POU6F2: variants seen among roughly 807,000 people sequenced by gnomAD.
POU6F2 encodes POU class 6 homeobox 2.
A neutral mutation model predicts 71.3 loss-of-function variants in POU6F2; 31 were observed. That is an observed-to-expected ratio of 0.43 (90% CI 0.33 to 0.59). POU6F2 has a LOEUF of 0.59. POU6F2 is among the 20% of genes least tolerant of loss of function. POU6F2 has a pLI of 0.04. For synonymous variants in POU6F2, 347 were observed against 355.7 expected, an observed-to-expected ratio of 0.98 and a Z score of 0.27; for missense variants, 783 against 856.8, an observed-to-expected ratio of 0.91 and a Z score of 1.07.
At chr7:39,408,968 C>G (rs1787493099) in intron 6 of POU6F2, among the ~76,000 whole-genome samples, 1 of 152,112 alleles carries the variant, frequency 6.6e-6, no homozygotes, top group South Asian at 2.1e-4. Flanking sequence ...CAAATTACAC[C>G]AAAAGAGATA....
intron 4 of POU6F2, among the ~76,000 whole-genome samples, chr7:39,320,935 A>C (rs764200328): frequency 3.9e-5 from 6 of 152,156 alleles, no homozygotes; most frequent in Admixed American, 1.3e-4. Flanking sequence ...ATGCACCTGT[A>C]GTCCCAGCTA....
intron 5 of POU6F2, among the ~76,000 whole-genome samples, chr7:39,370,701 T>C (rs1786589088): frequency 6.6e-6 from 1 of 152,186 alleles, no homozygotes; most frequent in South Asian, 2.1e-4. Flanking sequence ...ATTCTGGGTG[T>C]TTTGGATAAA....
At chr7:39,197,415 G>A (rs932269573) in intron 2 of POU6F2, among the ~76,000 whole-genome samples, 1 of 152,256 alleles carries the variant, frequency 6.6e-6, no homozygotes, top group Non-Finnish European at 1.5e-5. Context: ...ACCAGCCGCA[G>A]GCCAGGACCT....
rs114481816 is a variant in POU6F2 at position 39,333,127 on chromosome 7, C to T, written c.599-6515C>T. On this transcript the variant is annotated intron_variant, in intron 4 of 9. Coordinates refer to ENST00000518318, the MANE Select transcript of POU6F2 (RefSeq NM_001370959.1). Reference sequence around the variant, plus strand: ...CTTAGCCCCCGCCCCCAACACTTTGCTGAGCAGGTGCAGCTCCCCTGGGGT... The same window carrying T: ...CTTAGCCCCCGCCCCCAACACTTTGTTGAGCAGGTGCAGCTCCCCTGGGGT... Among the ~76,000 whole-genome samples the T allele has an allele frequency of 2.8e-3, 431 of 152,292 alleles. 5 individuals are homozygous for T. Among genetic ancestry groups the T allele is most frequent in the African/African-American group, 9.9e-3 (411 of 41,568 alleles).
At chr7:39,267,777 C>T (rs1454591688) in intron 4 of POU6F2, among the ~76,000 whole-genome samples, 1 of 152,104 alleles carries the variant, frequency 6.6e-6, no homozygotes, top group Non-Finnish European at 1.5e-5. Context: ...ACTAAAATTT[C>T]TGAAGTTTAA....
At chr7:39,015,659 T>C (rs28971636) in intron 1 of POU6F2, among the ~76,000 whole-genome samples, 4 of 111,208 alleles carry the variant, frequency 3.6e-5, no homozygotes, top group South Asian at 5.1e-4. Context: ...ATATATATTA[T>C]ATATAGATAT....
intron 3 of POU6F2, among the ~76,000 whole-genome samples, chr7:39,206,564 T>C (rs1436480602): frequency 6.6e-6 from 1 of 152,244 alleles, no homozygotes; most frequent in African/African-American, 2.4e-5. Context: ...ATTTTAACAA[T>C]AATCATTCAA....
intron 6 of POU6F2, among the ~76,000 whole-genome samples, chr7:39,421,131 A>C (rs1787840463): frequency 6.6e-6 from 1 of 152,144 alleles, no homozygotes; most frequent in Non-Finnish European, 1.5e-5. Flanking sequence ...CACCTATGAA[A>C]ATGGGGATGC....
intron 4 of POU6F2, among the ~76,000 whole-genome samples, chr7:39,295,560 G>A (rs979712233): frequency 1.3e-5 from 2 of 152,198 alleles, no homozygotes; most frequent in Non-Finnish European, 2.9e-5. Context: ...AGGTTGCAGT[G>A]AGCCAAGATT....
intron 4 of POU6F2, among the ~76,000 whole-genome samples, chr7:39,268,048 A>G (rs1188077895): frequency 6.6e-6 from 1 of 152,138 alleles, no homozygotes; most frequent in Non-Finnish European, 1.5e-5. Flanking sequence ...TCTCCTTAAA[A>G]TATACTAATT....
chr7:39,317,783 G>C (rs538962811), intron 4 of POU6F2, among the ~76,000 whole-genome samples: 1 of 152,290 alleles, frequency 6.6e-6, no homozygotes, highest in African/African-American at 2.4e-5. Context: ...TCTTCTCTGT[G>C]TGCACTTGAG....
At chr7:39,179,456 G>A (rs1182717352) in intron 2 of POU6F2, among the ~76,000 whole-genome samples, 1 of 152,260 alleles carries the variant, frequency 6.6e-6, no homozygotes, top group African/African-American at 2.4e-5. Flanking sequence ...ATTTAGAAGA[G>A]TCTGGCACTT....
intron 5 of POU6F2, among the ~76,000 whole-genome samples, chr7:39,341,215 C>T (rs1054047308): frequency 6.6e-6 from 1 of 152,184 alleles, no homozygotes; most frequent in African/African-American, 2.4e-5. Context: ...ATAGCTTTGT[C>T]TCTTCCAATT....
intron 5 of POU6F2, among the ~76,000 whole-genome samples, chr7:39,400,158 A>G (rs1008030108): frequency 1.3e-5 from 2 of 152,204 alleles, no homozygotes; most frequent in Admixed American, 6.5e-5. Context: ...TCTACCAGCC[A>G]GGTCGAATTC....
At chr7:39,217,141 T>G (rs979854664) in intron 4 of POU6F2, among the ~76,000 whole-genome samples, 2 of 152,216 alleles carry the variant, frequency 1.3e-5, no homozygotes, top group African/African-American at 2.4e-5. Flanking sequence ...ATGGGTCTGC[T>G]GTCTTGACCT....
intron 5 of POU6F2, among the ~76,000 whole-genome samples, chr7:39,349,965 C>T (rs541390627): frequency 6.6e-6 from 1 of 152,144 alleles, no homozygotes; most frequent in African/African-American, 2.4e-5. Flanking sequence ...GGTAGGGATG[C>T]CTTCATGGCC....
intron 2 of POU6F2, among the ~76,000 whole-genome samples, chr7:39,109,430 A>G (rs746590466): frequency 2.0e-5 from 3 of 152,218 alleles, no homozygotes; most frequent in Non-Finnish European, 2.9e-5. Flanking sequence ...TGTGCTGGGT[A>G]TTAATCCAAG....
At chr7:39,185,831 A>G (rs575256811) in intron 2 of POU6F2, among the ~76,000 whole-genome samples, 1 of 125,410 alleles carries the variant, frequency 8.0e-6, no homozygotes. Context: ...GTATATGTAT[A>G]TGTATATGTA....
At position 39,030,540 on chromosome 7, in the gene POU6F2, A is replaced by G. The variant is rs1341509476; in HGVS notation, c.105+52482A>G. 8.4e-5 allele frequency among the ~76,000 whole-genome samples: 11 copies of G among 130,396 alleles called. No homozygotes were observed. In the South Asian group the frequency reaches 1.2e-3, roughly 15 times the overall value. 85.5% of individuals were successfully genotyped at this position (130,396 alleles called of 152,430 possible). ...TATATATATATATATATATATATAT[A>G]TATACACACACATACATATATTCCA... On this transcript the variant is annotated intron_variant, in intron 1 of 9. Transcript: ENST00000518318.
Sources: gnomAD v4.1 joint callset for allele counts (sites outside exome capture counted in the v4.1 genomes callset) on GRCh38, gnomAD v4.1.1 for gene constraint, MANE v1.5 for transcripts, NCBI Gene and HGNC (gene_info 2026-07-23, HGNC 2026-07-21) for gene names.